Variants in RASSF4 observed in about 807,000 individuals in gnomAD.
RASSF4 encodes ras association domain-containing protein 4.
A neutral mutation model predicts 41.1 loss-of-function variants in RASSF4; 38 were observed. The ratio of observed to expected loss-of-function variants is 0.92; its 90% CI spans 0.71 to 1.21. The LOEUF is 1.21. Among genes scored for constraint, RASSF4 ranks in the 50% most tolerant of loss-of-function variants. The pLI is 0.00. For synonymous variants in RASSF4, 179 were observed against 163.4 expected, an observed-to-expected ratio of 1.10 and a Z score of -0.73; for missense variants, 414 against 419.4, an observed-to-expected ratio of 0.99 and a Z score of 0.11.
chr10:44,980,991 G>A (rs545856507), intron 3 of RASSF4: 2 of 152,166 alleles, frequency 1.3e-5, no homozygotes, highest in African/African-American at 2.4e-5. Flanking sequence ...ATAGTGCAAG[G>A]TCATATCTGG....
intron 1 of RASSF4, among the ~76,000 whole-genome samples, chr10:44,966,375 A>G (rs1840904220): frequency 6.6e-6 from 1 of 152,224 alleles, no homozygotes; most frequent in Non-Finnish European, 1.5e-5. Context: ...CAGAAGTCAC[A>G]AACTGGAGCC....
Position 44,983,951 on chromosome 10 carries a change from T to A in RASSF4, c.282-71T>A, listed in dbSNP as rs756875399. ...TGTGTCCTACCCCAGGGGCTGCTGG[T>A]CTCTTCTCCTTGGCCTGAGCTCCCT... On this transcript the variant is annotated intron_variant, in intron 4 of 10. Coordinates refer to ENST00000340258, the MANE Select transcript of RASSF4 (RefSeq NM_032023.4). The A allele has an allele frequency of 1.6e-5, 25 of 1,550,956 alleles. 1 individual carries two copies. The South Asian group carries it at 3.0e-4, about 18-fold the overall frequency.
At chr10:44,965,638 C>T (rs1419548367) in intron 1 of RASSF4, among the ~76,000 whole-genome samples, 1 of 152,230 alleles carries the variant, frequency 6.6e-6, no homozygotes, top group Admixed American at 6.5e-5. Flanking sequence ...AGGCTCAGGA[C>T]CCAGCCCAGC....
chr10:44,992,147 A>C, intron 10 of RASSF4, 145 bp downstream of exon 10: 1 of 601,196 alleles, frequency 1.7e-6, no homozygotes. Flanking sequence ...CTAGCTCCCC[A>C]GCATCACCCT....
At chr10:44,982,697 A>T in intron 4 of RASSF4, 34 bp downstream of exon 4, 2 of 1,602,876 alleles carry the variant, frequency 1.2e-6, no homozygotes, top group South Asian at 2.2e-5. Context: ...ACACCTGCTC[A>T]GCCTGAGCTC....
intron 1 of RASSF4, among the ~76,000 whole-genome samples, chr10:44,967,972 C>G (rs1249742230): frequency 4.6e-5 from 7 of 152,058 alleles, no homozygotes; most frequent in African/African-American, 9.7e-5. Flanking sequence ...CAGAGAACAG[C>G]ACTACAAAAG....
At chr10:44,992,110 A>G (rs1215709589) in intron 10 of RASSF4, 108 bp downstream of exon 10, 6 of 688,936 alleles carry the variant, frequency 8.7e-6, no homozygotes, top group Middle Eastern at 2.5e-4. Flanking sequence ...GGGCACCAGT[A>G]CCCTGGTACG....
At chr10:44,990,831 C>T (rs1306838260) in intron 8 of RASSF4, 117 bp from the exon 9 acceptor site, 5 of 1,050,240 alleles carry the variant, frequency 4.8e-6, no homozygotes, top group Non-Finnish European at 7.0e-6. Flanking sequence ...TTAGCGAGGT[C>T]TGTGTTCTTA....
rs887541619 is a variant in RASSF4 at position 44,963,062 on chromosome 10, G to C, written c.-39+3196G>C. Among the ~76,000 whole-genome samples the C allele has an allele frequency of 2.6e-5, 4 of 152,300 alleles. 1 individual carries two copies. The highest frequency in any genetic ancestry group is 5.9e-5 in the Non-Finnish European group (4 of 68,020). ...CGGGGAGTAAAGGTGAGCTGGGCCT[G>C]TGTGGTCAGTCCAGGGCAAGGCGGG... On this transcript the variant is annotated intron_variant, in intron 1 of 10. Transcript: ENST00000340258.
intron 7 of RASSF4, 23 bp from the exon 8 acceptor site, chr10:44,989,647 A>G (rs752301339): frequency 3.7e-6 from 6 of 1,613,228 alleles, no homozygotes; most frequent in Non-Finnish European, 4.2e-6. Flanking sequence ...CCGTGATCTG[A>G]CTTCCTGTGA....
chr10:44,972,344 A>G (rs2132771920), intron 3 of RASSF4, among the ~76,000 whole-genome samples: 1 of 152,340 alleles, frequency 6.6e-6, no homozygotes, highest in South Asian at 2.1e-4. Flanking sequence ...AGATGCTCAC[A>G]GCAGGCAGCG....
In RASSF4 at chr10:44,970,098, G is replaced by A. The variant is rs1050425123; in HGVS notation, c.-38-67G>A. On this transcript the variant is annotated intron_variant, in intron 1 of 10. Coordinates refer to ENST00000340258, the MANE Select transcript of RASSF4 (RefSeq NM_032023.4). ...CGGTGTCTGTGCCAGGGCTGCGGGT[G>A]TTGGGTGCTGCACTGGCCGGCACTC... is the stretch of plus-strand genomic sequence containing the variant. 5.2e-5 allele frequency: 48 copies of A among 915,606 alleles called. No homozygotes were observed. The African/African-American group carries it at 5.9e-4, about 11-fold the overall frequency. 56.7% of individuals were successfully genotyped at this position (915,606 alleles called of 1,614,324 possible). A position where few individuals can be genotyped will look rare whatever the true frequency, so the allele number is the denominator to read the frequency against.
intron 4 of RASSF4, chr10:44,983,117 CT>C (rs1841784258): frequency 2.6e-6 from 1 of 377,932 alleles, no homozygotes; most frequent in African/African-American, 2.1e-5. Context: ...AATAATGTTT[CT>C]GTCAGGAGGA....
Position 44,991,992 on chromosome 10 carries a change from C to T in RASSF4, c.895C>T (p.Leu299=), listed in dbSNP as rs1206173611. 3.7e-6 allele frequency: 6 copies of T among 1,604,232 alleles called. No homozygotes were observed. In the South Asian group the frequency reaches 4.4e-5, roughly 12 times the overall value. The change falls in exon 10 of 11, where the codon CTG becomes TTG. Residue 299 remains leucine, a synonymous_variant. Transcript: ENST00000340258. The part of the protein sequence containing the change: ...KEEEEREIIK[L]TMKFQALRLT... ...AGAGGAAGAAAGAGAAATAATCAAACTGACCATGAAGTAAGCAGCACTTAA... is the reference window on the plus strand; with the variant it reads ...AGAGGAAGAAAGAGAAATAATCAAATTGACCATGAAGTAAGCAGCACTTAA...
chr10:44,971,394 G>A (rs1455851199), intron 2 of RASSF4: 1 of 423,418 alleles, frequency 2.4e-6, no homozygotes, highest in Non-Finnish European at 4.7e-6. Flanking sequence ...GGAAAAGCAA[G>A]AGGCTGTACA....
chr10:44,970,447 G>T, intron 2 of RASSF4, 183 bp downstream of exon 2: 1 of 590,374 alleles, frequency 1.7e-6, no homozygotes, highest in South Asian at 2.1e-5. Flanking sequence ...AGCTACACAT[G>T]ACCATGGCTG....
rs1486767466 is a variant in RASSF4, at chr10:44,995,794, C to T, written c.*2465C>T. On this transcript the variant is annotated 3_prime_UTR_variant, in exon 11 of 11. Coordinates refer to ENST00000340258, the MANE Select transcript of RASSF4 (RefSeq NM_032023.4). ...GTTTCCTACTGGTTCCTGTGGGGAG[C>T]TCCCGCTTTCTTTCTACATAGAGCT... is the stretch of plus-strand genomic sequence containing the variant. 6.6e-6 allele frequency: 1 copy of T among 152,122 alleles called. No homozygotes were observed. Among genetic ancestry groups the T allele is most frequent in the Non-Finnish European group, 1.5e-5 (1 of 68,020 alleles). The allele number at this position is 152,122 out of a possible 1,614,324, so 9.4% of individuals were successfully genotyped here.
chr10:44,989,617 T>G lies in RASSF4; in HGVS notation c.634-53T>G, dbSNP rs376645621. The G allele has an allele frequency of 3.7e-5, 57 of 1,553,390 alleles. No homozygotes were observed. The African/African-American group carries it at 7.3e-4, about 20-fold the overall frequency. ...AGTTACTGTCAGGGGACCCTCTCAG[T>G]TCTCTCCCATCTCCAAGCACCGTGA... On this transcript the variant is annotated intron_variant, in intron 7 of 10. Coordinates refer to ENST00000340258, the MANE Select transcript of RASSF4 (RefSeq NM_032023.4).
intron 2 of RASSF4, chr10:44,970,761 G>A (rs553742522): frequency 9.3e-4 from 144 of 154,156 alleles, no homozygotes; most frequent in Middle Eastern, 3.4e-3. Context: ...GCATCTGCTC[G>A]GCTTCCAGGG....
Sources: allele counts gnomAD v4.1 joint callset (sites outside exome capture counted in the v4.1 genomes callset), GRCh38; gene constraint gnomAD v4.1.1; transcripts MANE v1.5; gene names NCBI Gene and HGNC (gene_info 2026-07-23, HGNC 2026-07-21).